ADGRB1: variants seen among roughly 807,000 people sequenced by gnomAD.
The protein encoded by ADGRB1 is brain-specific angiogenesis inhibitor 1.
Under a neutral mutation model 175.7 loss-of-function variants are expected in ADGRB1, and 36 were observed. The observed-to-expected ratio is 0.20, with a 90% CI of 0.16 to 0.27. The LOEUF (loss-of-function observed/expected upper bound fraction) is 0.27, where lower values mean the gene tolerates loss of function less well. Ranked by LOEUF, ADGRB1 falls within the 10% of genes least tolerant of loss-of-function variation. ADGRB1 has a pLI of 1.00. For missense variants in ADGRB1, 1,731 were observed against 2,255.3 expected, an observed-to-expected ratio of 0.77 and a Z score of 4.71; for synonymous variants, 1,054 against 979.4, an observed-to-expected ratio of 1.08 and a Z score of -1.42.
At position 142,474,233 on chromosome 8, in the gene ADGRB1, G is replaced by A. The variant is rs571560020; in HGVS notation, c.785-1241G>A. 1.3e-5 allele frequency among the ~76,000 whole-genome samples: 2 copies of A among 152,204 alleles called. No homozygotes were observed. The highest frequency in any genetic ancestry group is 2.1e-4 in the South Asian group (1 of 4,818). On this transcript the variant is annotated intron_variant, in intron 2 of 30. Transcript: ENST00000517894. The surrounding 1 kb of genome is among the most constrained non-coding windows in gnomAD (Gnocchi z 5.8). Reference sequence around the variant, plus strand: ...CCCTTCTGGTGGGTCGGGGTGGCCTGTGCTTGGCCTGATTGCTGCCCCTGG... The same window carrying A: ...CCCTTCTGGTGGGTCGGGGTGGCCTATGCTTGGCCTGATTGCTGCCCCTGG...
intron 17 of ADGRB1, among the ~76,000 whole-genome samples, chr8:142,509,198 G>A (rs1174061223): frequency 6.6e-6 from 1 of 152,178 alleles, no homozygotes; most frequent in East Asian, 1.9e-4. Context: ...GGCTGCTCTG[G>A]GCTATCAGAC....
chr8:142,532,569 C>T (rs368732721), intron 24 of ADGRB1, among the ~76,000 whole-genome samples: 89 of 152,244 alleles, frequency 5.8e-4, no homozygotes, highest in African/African-American at 2.0e-3. Context: ...GAGGAGGAGG[C>T]GCCTGTCAGT....
chr8:142,458,910 G>GT (rs1458053161), intron 1 of ADGRB1, among the ~76,000 whole-genome samples: 2 of 152,244 alleles, frequency 1.3e-5, no homozygotes, highest in African/African-American at 4.8e-5. Context: ...GACCAGAGAA[G>GT]TGGCCTGTGG....
intron 24 of ADGRB1, among the ~76,000 whole-genome samples, chr8:142,528,909 G>A (rs1262785393): frequency 6.6e-6 from 1 of 152,220 alleles, no homozygotes; most frequent in Non-Finnish European, 1.5e-5. Context: ...GTGCAGCTGT[G>A]GGCTGCGCTG....
chr8:142,495,735 C>T (rs1019147995), intron 17 of ADGRB1, among the ~76,000 whole-genome samples: 9 of 152,022 alleles, frequency 5.9e-5, no homozygotes, highest in Non-Finnish European at 1.2e-4. Context: ...GGATCTGTGC[C>T]CCCCCGCCAA....
At chr8:142,475,939 G>A (rs1840949825) in intron 3 of ADGRB1, among the ~76,000 whole-genome samples, 1 of 152,230 alleles carries the variant, frequency 6.6e-6, no homozygotes, top group Admixed American at 6.5e-5. Flanking sequence ...GGGAGCAGAG[G>A]TGAGGGCCCC....
intron 25 of ADGRB1, among the ~76,000 whole-genome samples, chr8:142,534,046 C>A (rs755442439): frequency 7.2e-5 from 11 of 152,176 alleles, no homozygotes; most frequent in East Asian, 1.9e-4. Context: ...CTTCCTGGGT[C>A]CCCCTGGAGA....
chr8:142,464,905 T>G lies in ADGRB1; in HGVS notation c.707T>G (p.Leu236Trp). 6.5e-7 allele frequency: 1 copy of G among 1,529,544 alleles called. No homozygotes were observed. The highest frequency in any genetic ancestry group is 1.2e-5 in the South Asian group (1 of 83,376). 94.7% of individuals were successfully genotyped at this position (1,529,544 alleles called of 1,614,324 possible). ...CTGGCCCCCCGCGGGGATGTCTGCT[T>G]GAGAGATGCGGTGGCTGGTGGCCCT... ...GPLAPRGDVC[L>W]RDAVAGGPEN... The change falls in exon 2 of 31, where the codon TTG becomes TGG. Residue 236 changes from leucine to tryptophan, a missense_variant. Around this residue, in one of 8 missense-constraint regions of ADGRB1, gnomAD observed 383 missense variants for 383.1 expected, o/e 1.00. Transcript: ENST00000517894.
rs946876615 is a variant in ADGRB1, at chr8:142,537,113, C to T, written c.3666+31C>T. The T allele has an allele frequency of 2.4e-5, 34 of 1,427,708 alleles. No individual in the cohort carries two copies. The Admixed American group carries it at 6.0e-4, about 25-fold the overall frequency. 88.4% of individuals were successfully genotyped at this position (1,427,708 alleles called of 1,614,324 possible). On this transcript the variant is annotated intron_variant, in intron 26 of 30. Coordinates refer to ENST00000517894, the MANE Select transcript of ADGRB1 (RefSeq NM_001702.3). This position sits in a 1 kb window ranked among gnomAD's most constrained non-coding sequence, Gnocchi z 4.6. Reference sequence around the variant, plus strand: ...ACTCAGGGCCCGGGGACTCAGGCTGCCCTACCTGCCTCGTACCCCCGCCAA... The same window carrying T: ...ACTCAGGGCCCGGGGACTCAGGCTGTCCTACCTGCCTCGTACCCCCGCCAA...
intron 2 of ADGRB1, among the ~76,000 whole-genome samples, chr8:142,470,342 A>C (rs1840591795): frequency 6.6e-6 from 1 of 152,130 alleles, no homozygotes; most frequent in Non-Finnish European, 1.5e-5. Context: ...AGCGACATGG[A>C]AGATCATGAA....
intron 16 of ADGRB1, among the ~76,000 whole-genome samples, chr8:142,490,365 G>C (rs1841924570): frequency 6.6e-6 from 1 of 152,218 alleles, no homozygotes; most frequent in Non-Finnish European, 1.5e-5. Context: ...TCCCAGGAAT[G>C]CTAGCAGGAC....
At chr8:142,523,226 G>A (rs1843960804) in intron 22 of ADGRB1, among the ~76,000 whole-genome samples, 1 of 152,200 alleles carries the variant, frequency 6.6e-6, no homozygotes, top group Admixed American at 6.5e-5. Context: ...AGGAAGCTTG[G>A]GGTCATCCTA....
chr8:142,492,397 G>T lies in ADGRB1; in HGVS notation c.2675+1582G>T, dbSNP rs552857453. 2.0e-5 allele frequency among the ~76,000 whole-genome samples: 3 copies of T among 152,294 alleles called. No homozygotes were observed. The highest frequency in any genetic ancestry group is 6.5e-5 in the Admixed American group (1 of 15,308). ...AGACGGAGCAGTGTGGTGATGCCCG[G>T]CCGTGCATGGGCCGGGAAGGGAAGC... On this transcript the variant is annotated intron_variant, in intron 17 of 30. Transcript: ENST00000517894. The surrounding 1 kb of genome is among the most constrained non-coding windows in gnomAD (Gnocchi z 4.4).
rs114085102 is a variant in ADGRB1 at position 142,494,197 on chromosome 8, C to T, written c.2675+3382C>T. Among the ~76,000 whole-genome samples, 408 of 152,260 alleles carry T rather than the reference C, an allele frequency of 2.7e-3. 5 individuals are homozygous for T. The highest frequency in any genetic ancestry group is 9.6e-3 in the African/African-American group (398 of 41,552). On this transcript the variant is annotated intron_variant, in intron 17 of 30. Transcript: ENST00000517894. ...AACTGGTCACAGATAGAGCCCAGAT[C>T]CCAAACTCAGACTGAGTTTTTACCC...
chr8:142,510,251 G>A lies in ADGRB1; in HGVS notation c.2676-681G>A, dbSNP rs1195884591. ...GGGCAGTCGCGGCCCGTAGACAGCG[G>A]GCGGCTGGGTCAGACCGCAGAGGGA... On this transcript the variant is annotated intron_variant, in intron 17 of 30. Coordinates refer to ENST00000517894, the MANE Select transcript of ADGRB1 (RefSeq NM_001702.3). The surrounding 1 kb of genome is among the most constrained non-coding windows in gnomAD (Gnocchi z 6.3). 6.6e-6 allele frequency among the ~76,000 whole-genome samples: 1 copy of A among 152,154 alleles called. No individual in the cohort carries two copies. Among genetic ancestry groups the A allele is most frequent in the Non-Finnish European group, 1.5e-5 (1 of 68,002 alleles).
In ADGRB1 at chr8:142,478,333, C is replaced by A. The variant is rs766670717; in HGVS notation, c.1534C>A (p.Arg512=). ...GTGCCAGGGCCACTGGGTGGAGACC[C>A]GAGACTGCTTCCTGCAGCAGTGCCC... is the stretch of plus-strand genomic sequence containing the variant. ...AECQGHWVET[R]DCFLQQCPVD... The change falls in exon 7 of 31, where the codon CGA becomes AGA. Residue 512 remains arginine (R), a synonymous_variant. Transcript: ENST00000517894. The A allele has an allele frequency of 6.2e-7, 1 of 1,608,272 alleles. No homozygotes were observed. Among genetic ancestry groups the A allele is most frequent in the Non-Finnish European group, 8.5e-7 (1 of 1,177,856 alleles).
chr8:142,540,858 G>A (rs1388375561), intron 27 of ADGRB1, among the ~76,000 whole-genome samples: 2 of 152,070 alleles, frequency 1.3e-5, no homozygotes, highest in Non-Finnish European at 2.9e-5. Flanking sequence ...GGGTGTTGCT[G>A]TCCAGAGGGT....
rs982130825 is a variant in ADGRB1, at chr8:142,492,709, A to T, written c.2675+1894A>T. ...GGCTGGGGAAAGCTGGGTGCCCTGCAGCCCTGGGGAGCCAGCTCTCTAGCT... is the reference window on the plus strand; with the variant it reads ...GGCTGGGGAAAGCTGGGTGCCCTGCTGCCCTGGGGAGCCAGCTCTCTAGCT... On this transcript the variant is annotated intron_variant, in intron 17 of 30. Transcript: ENST00000517894. The surrounding 1 kb of genome is among the most constrained non-coding windows in gnomAD (Gnocchi z 4.4). 6.6e-6 allele frequency among the ~76,000 whole-genome samples: 1 copy of T among 152,168 alleles called. No individual in the cohort carries two copies. Among genetic ancestry groups the T allele is most frequent in the East Asian group, 1.9e-4 (1 of 5,188 alleles).
intron 1 of ADGRB1, among the ~76,000 whole-genome samples, chr8:142,463,352 G>A (rs1388588030): frequency 2.6e-5 from 4 of 152,306 alleles, no homozygotes; most frequent in East Asian, 1.9e-4. Flanking sequence ...TCACCCCAAA[G>A]ATCCAGTCAT....
Sources: allele counts gnomAD v4.1 joint callset (sites outside exome capture counted in the v4.1 genomes callset), GRCh38; gene constraint gnomAD v4.1.1; regional missense constraint gnomAD v4.1.1; non-coding constraint Gnocchi (gnomAD v3.1); transcripts MANE v1.5; gene names NCBI Gene and HGNC (gene_info 2026-07-23, HGNC 2026-07-21).